QTGAL: variants seen among roughly 807,000 people sequenced by gnomAD.
QTGAL encodes the protein queuosine-tRNA galactosyltransferase.
the QTGAL span, chr17:82,948,546 A>G: frequency 0.11 from 16,400 of 152,354 alleles, 1,160 homozygotes; most frequent in South Asian, 0.27. Context: ...CGATACGCAC[A>G]CACCCCAAAC....
the QTGAL span, among the ~76,000 whole-genome samples, chr17:83,046,958 CG>C: frequency 2.0e-5 from 3 of 152,202 alleles, no homozygotes; most frequent in Non-Finnish European, 2.9e-5. Context: ...TAAATGAAGC[CG>C]GTTACAAAAG....
the QTGAL span, among the ~76,000 whole-genome samples, chr17:82,951,657 C>T: frequency 6.6e-6 from 1 of 152,178 alleles, no homozygotes; most frequent in African/African-American, 2.4e-5. Context: ...GCCTTCCTCA[C>T]TAAGCTTAAA....
the QTGAL span, among the ~76,000 whole-genome samples, chr17:83,013,758 G>T: frequency 2.0e-5 from 3 of 152,160 alleles, no homozygotes; most frequent in Non-Finnish European, 4.4e-5. Context: ...CTGCCCGGGG[G>T]ACGGACACTG....
chr17:82,971,517 G>A, the QTGAL span, among the ~76,000 whole-genome samples: 1 of 152,064 alleles, frequency 6.6e-6, no homozygotes, highest in African/African-American at 2.4e-5. Context: ...ACCAAGGCGA[G>A]GACCAGCAGA....
At chr17:82,977,734 G>A in the QTGAL span, among the ~76,000 whole-genome samples, 1 of 152,154 alleles carries the variant, frequency 6.6e-6, no homozygotes, top group East Asian at 1.9e-4. Flanking sequence ...CGCAGGGCAG[G>A]ACGGTGACGC....
the QTGAL span, among the ~76,000 whole-genome samples, chr17:83,047,717 C>T: frequency 0.086 from 7,954 of 92,906 alleles, 258 homozygotes; most frequent in East Asian, 0.16. Context: ...TAATAAATCC[C>T]TACCAAAGAA....
At chr17:83,015,531 A>T in the QTGAL span, among the ~76,000 whole-genome samples, 3 of 152,274 alleles carry the variant, frequency 2.0e-5, no homozygotes, top group African/African-American at 7.2e-5. This position sits in a 1 kb window ranked among gnomAD's most constrained non-coding sequence, Gnocchi z 4.4. Flanking sequence ...AAGAATATAC[A>T]TGGTATTTTC....
the QTGAL span, among the ~76,000 whole-genome samples, chr17:83,002,655 G>A: frequency 1.3e-5 from 2 of 152,186 alleles, no homozygotes; most frequent in Admixed American, 6.5e-5. Context: ...CCCTCCCTCA[G>A]ACGGCAGCCA....
the QTGAL span, among the ~76,000 whole-genome samples, chr17:82,970,798 G>C: frequency 0.24 from 36,811 of 152,182 alleles, 4,710 homozygotes; most frequent in Admixed American, 0.38. Flanking sequence ...TGGAGACTTG[G>C]TATAGGAAAA....
chr17:82,983,362 CTT>C, the QTGAL span, among the ~76,000 whole-genome samples: 1 of 152,152 alleles, frequency 6.6e-6, no homozygotes, highest in Non-Finnish European at 1.5e-5. Context: ...ATTGGGTAGA[CTT>C]TGTCAAAATG....
chr17:82,949,902 G>C, the QTGAL span: 1 of 152,240 alleles, frequency 6.6e-6, no homozygotes, highest in East Asian at 1.9e-4. Flanking sequence ...CCAGCGTGGG[G>C]ATTTGGAGGT....
chr17:83,005,476 C>T, the QTGAL span: 38 of 657,902 alleles, frequency 5.8e-5, no homozygotes, highest in Non-Finnish European at 9.5e-5. The surrounding 1 kb of genome is among the most constrained non-coding windows in gnomAD (Gnocchi z 5.6). Context: ...CACAGAGCTG[C>T]CCTGGGCTGG....
At chr17:83,025,779 G>A in the QTGAL span, among the ~76,000 whole-genome samples, 2 of 152,262 alleles carry the variant, frequency 1.3e-5, no homozygotes, top group South Asian at 2.1e-4. Context: ...ATTCTGAGCA[G>A]GGGTTTCTCC....
chr17:83,008,428 A>G, the QTGAL span, among the ~76,000 whole-genome samples: 1 of 152,176 alleles, frequency 6.6e-6, no homozygotes, highest in Non-Finnish European at 1.5e-5. Flanking sequence ...ATTCCACCGA[A>G]AAAAAGAGTC....
At chr17:83,035,555 T>C in the QTGAL span, among the ~76,000 whole-genome samples, 1 of 146,838 alleles carries the variant, frequency 6.8e-6, no homozygotes, top group African/African-American at 2.7e-5. Flanking sequence ...GAAAGGAAAG[T>C]CAGAGAGAGA....
chr17:83,010,976 C>T, the QTGAL span, among the ~76,000 whole-genome samples: 4 of 152,364 alleles, frequency 2.6e-5, no homozygotes, highest in Non-Finnish European at 4.4e-5. Context: ...CCTGCCCTCA[C>T]GGGGCTGTAC....
At chr17:82,986,802 T>C in the QTGAL span, among the ~76,000 whole-genome samples, 2 of 152,262 alleles carry the variant, frequency 1.3e-5, no homozygotes, top group African/African-American at 2.4e-5. Flanking sequence ...CATTACATGG[T>C]GCGATCACAA....
chr17:83,047,997 T>G, the QTGAL span, among the ~76,000 whole-genome samples: 1 of 150,552 alleles, frequency 6.6e-6, no homozygotes, highest in African/African-American at 2.4e-5. Flanking sequence ...CCTTTCTTCC[T>G]TCTTTCCTTC....
the QTGAL span, among the ~76,000 whole-genome samples, chr17:83,013,218 C>T: frequency 6.6e-6 from 1 of 152,132 alleles, no homozygotes; most frequent in South Asian, 2.1e-4. Context: ...CACTGAGCCC[C>T]AGGACCTGAC....
Sources: gnomAD v4.1 joint callset for allele counts (sites outside exome capture counted in the v4.1 genomes callset) on GRCh38, gnomAD v4.1.1 for gene constraint, Gnocchi (gnomAD v3.1) non-coding constraint, MANE v1.5 for transcripts, NCBI Gene and HGNC (gene_info 2026-07-23, HGNC 2026-07-21) for gene names.